TMIE: variants seen among roughly 807,000 people sequenced by gnomAD.
TMIE encodes the protein transmembrane inner ear, also known as transmembrane inner ear expressed protein.
In TMIE, 14 loss-of-function variants were observed where a neutral mutation model predicts 16.8. That is an observed-to-expected ratio of 0.83 (90% CI 0.55 to 1.30). The LOEUF is 1.30. TMIE is among the 50% of genes most tolerant of loss of function. The probability of loss-of-function intolerance (pLI) is 0.00; values close to 1 mark genes in which losing one functional copy is unlikely to be tolerated. For synonymous variants in TMIE, 75 were observed against 87.2 expected (o/e 0.86, Z 0.78); for missense variants, 204 against 205.9 (o/e 0.99, Z 0.06).
intron 1 of TMIE, among the ~76,000 whole-genome samples, chr3:46,705,215 T>C (rs1055143759): frequency 8.5e-5 from 13 of 152,110 alleles, no homozygotes; most frequent in Admixed American, 3.3e-4. Flanking sequence ...CTGCAGACCT[T>C]TTATTTATCC....
intron 1 of TMIE, among the ~76,000 whole-genome samples, chr3:46,704,414 G>GC (rs749273107): frequency 1.2e-3 from 184 of 147,908 alleles, no homozygotes; most frequent in Non-Finnish European, 1.5e-3. Context: ...GAGACCCAGG[G>GC]TGGACCATGT....
At chr3:46,701,298 G>A (rs1448225706), upstream of TMIE, 3 of 459,574 alleles carry the variant, frequency 6.5e-6, no homozygotes, top group Non-Finnish European at 1.1e-5. This position sits in a 1 kb window ranked among gnomAD's most constrained non-coding sequence, Gnocchi z 4.3. Flanking sequence ...CGGGAAGGAG[G>A]GGGCGGGCCC....
upstream of TMIE, among the ~76,000 whole-genome samples, chr3:46,697,197 T>G (rs1034394312): frequency 6.6e-6 from 1 of 152,220 alleles, no homozygotes; most frequent in African/African-American, 2.4e-5. Flanking sequence ...ATTGCCCTTG[T>G]TACGGTCTTT....
At chr3:46,703,258 G>A (rs963222392) in intron 1 of TMIE, among the ~76,000 whole-genome samples, 3 of 152,142 alleles carry the variant, frequency 2.0e-5, no homozygotes, top group Non-Finnish European at 1.5e-5. Context: ...CCAACATGAG[G>A]AGAAGACCAG....
intron 1 of TMIE, among the ~76,000 whole-genome samples, chr3:46,702,739 A>C (rs941108435): frequency 6.6e-6 from 1 of 152,102 alleles, no homozygotes; most frequent in Non-Finnish European, 1.5e-5. Context: ...TGATGGGGAC[A>C]TAGGGACAGA....
upstream of TMIE, among the ~76,000 whole-genome samples, chr3:46,698,978 G>A (rs118158046): frequency 1.2e-3 from 180 of 150,832 alleles, 3 homozygotes; most frequent in East Asian, 0.032. Context: ...ACCACACTCA[G>A]CCGACTTAAA....
chr3:46,695,332 T>A (rs1700386796), intron 1 of TMIE, among the ~76,000 whole-genome samples: 1 of 152,226 alleles, frequency 6.6e-6, no homozygotes, highest in Non-Finnish European at 1.5e-5. Context: ...CTTGTGCTGC[T>A]TTCCTCTTGC....
upstream of TMIE, among the ~76,000 whole-genome samples, chr3:46,699,245 T>C (rs1700443151): frequency 6.6e-6 from 1 of 151,998 alleles, no homozygotes; most frequent in Admixed American, 6.6e-5. Flanking sequence ...GCTAATTTTG[T>C]ATTTTTAGTA....
At chr3:46,706,892 G>C (rs1700558835) in intron 2 of TMIE, among the ~76,000 whole-genome samples, 1 of 152,220 alleles carries the variant, frequency 6.6e-6, no homozygotes, top group Admixed American at 6.5e-5. Context: ...AGCTGTCCCG[G>C]GATGAGGTGC....
intron 1 of TMIE, among the ~76,000 whole-genome samples, chr3:46,695,961 C>G (rs1700408165): frequency 6.6e-6 from 1 of 152,184 alleles, no homozygotes; most frequent in Admixed American, 6.5e-5. Context: ...TGGCTTGGGG[C>G]CAGGTAAGGC....
chr3:46,696,923 G>A (rs1415284539), upstream of TMIE, among the ~76,000 whole-genome samples: 1 of 152,156 alleles, frequency 6.6e-6, no homozygotes, highest in Non-Finnish European at 1.5e-5. Context: ...GGGCCCAACT[G>A]ATTTTGGGGT....
chr3:46,705,837 G>C lies in TMIE; in HGVS notation c.141G>C (p.Glu47Asp). 4 of 1,614,160 alleles carry C rather than the reference G, an allele frequency of 2.5e-6. No individual in the cohort carries two copies. ...PKPKPPPLTK[E>D]TVVFWDMRLW... ...CCAAGCCGCCTCCGCTGACCAAGGA[G>C]ACAGTGGTGTTCTGGGACATGCGCC... Residue 47 changes from glutamate to aspartate, a missense_variant, in exon 2 of 4, where the codon GAG becomes GAC. Physicochemically the swap from Glu to Asp is conservative, Grantham distance 45. Transcript: ENST00000643606.
chr3:46,709,065 A>C, intron 2 of TMIE, 61 bp from the exon 3 acceptor site: 1 of 1,603,982 alleles, frequency 6.2e-7, no homozygotes, highest in Non-Finnish European at 8.5e-7. Context: ...AGGAAGGCGG[A>C]TGCCATTCCT....
At chr3:46,704,090 C>T (rs1490824191) in intron 1 of TMIE, among the ~76,000 whole-genome samples, 4 of 152,134 alleles carry the variant, frequency 2.6e-5, no homozygotes, top group Non-Finnish European at 5.9e-5. Flanking sequence ...CAGACCTAGG[C>T]AGGACTGTGT....
intron 1 of TMIE, among the ~76,000 whole-genome samples, chr3:46,705,409 A>AC (rs1575469176): frequency 6.6e-6 from 1 of 151,672 alleles, no homozygotes; most frequent in Non-Finnish European, 1.5e-5. Flanking sequence ...GTTAGCCAGC[A>AC]CCCCCCAGGC....
upstream of TMIE, among the ~76,000 whole-genome samples, chr3:46,697,955 G>A (rs775591599): frequency 2.0e-5 from 3 of 152,126 alleles, no homozygotes; most frequent in East Asian, 1.9e-4. Flanking sequence ...CAGGATGTTC[G>A]CCTTAACGTG....
At chr3:46,709,397 T>G (rs1199673852) in intron 3 of TMIE, 122 bp downstream of exon 3, 2 of 1,596,544 alleles carry the variant, frequency 1.3e-6, no homozygotes, top group Admixed American at 1.7e-5. Flanking sequence ...GCCCTGCCCC[T>G]GGAGACCAGA....
chr3:46,697,689 G>A (rs1306020270), upstream of TMIE, among the ~76,000 whole-genome samples: 1 of 152,068 alleles, frequency 6.6e-6, no homozygotes, highest in African/African-American at 2.4e-5. Context: ...GGCCAGACTG[G>A]CAACTGGTGT....
chr3:46,700,590 C>G (rs73831195), upstream of TMIE, among the ~76,000 whole-genome samples: 2,384 of 152,252 alleles, frequency 0.016, 65 homozygotes, highest in African/African-American at 0.055. Context: ...TCCAGGCCTC[C>G]CCACTCCTCT....
Sources: gnomAD v4.1 joint callset for allele counts (sites outside exome capture counted in the v4.1 genomes callset) on GRCh38, gnomAD v4.1.1 for gene constraint, Gnocchi (gnomAD v3.1) non-coding constraint, MANE v1.5 for transcripts, NCBI Gene and HGNC (gene_info 2026-07-23, HGNC 2026-07-21) for gene names.